The following COBL variants were observed in gnomAD, a reference collection of about 807,000 sequenced individuals.
The protein encoded by COBL is protein cordon-bleu.
Under a neutral mutation model 98.8 loss-of-function variants are expected in COBL, and 51 were observed. The observed-to-expected ratio is 0.52, with a 90% CI of 0.41 to 0.65. The LOEUF is 0.65. COBL is among the 30% of genes least tolerant of loss of function. COBL has a pLI of 0.00. For missense variants in COBL, 1,617 were observed against 1,617.5 expected (o/e 1.00, Z 0.01); for synonymous variants, 634 against 651.7 (o/e 0.97, Z 0.41).
intron 5 of COBL, among the ~76,000 whole-genome samples, chr7:51,143,555 C>G (rs1784753165): frequency 6.6e-6 from 1 of 152,096 alleles, no homozygotes; most frequent in Non-Finnish European, 1.5e-5. Flanking sequence ...ATACCATGGA[C>G]TAGATCAGGA....
chr7:51,186,669 G>A (rs929700977), intron 4 of COBL, among the ~76,000 whole-genome samples: 3 of 152,228 alleles, frequency 2.0e-5, no homozygotes, highest in African/African-American at 7.2e-5. Context: ...GCAGCTGTCT[G>A]GAGGCACCAG....
At chr7:51,042,643 T>C (rs1405101722) in intron 8 of COBL, among the ~76,000 whole-genome samples, 1 of 152,220 alleles carries the variant, frequency 6.6e-6, no homozygotes, top group Non-Finnish European at 1.5e-5. Flanking sequence ...ATTACGGGCA[T>C]GAGCCACCAT....
intron 1 of COBL, among the ~76,000 whole-genome samples, chr7:51,242,418 G>A (rs1795877553): frequency 6.6e-6 from 1 of 152,102 alleles, no homozygotes; most frequent in South Asian, 2.1e-4. Context: ...TCCTTGCTTT[G>A]TTTGTGCATT....
chr7:51,273,077 C>T (rs540899025), intron 1 of COBL, among the ~76,000 whole-genome samples: 32 of 152,102 alleles, frequency 2.1e-4, no homozygotes, highest in African/African-American at 6.0e-4. Flanking sequence ...GCCTATAATC[C>T]CAGCACTTTG....
intron 5 of COBL, among the ~76,000 whole-genome samples, chr7:51,182,190 T>C (rs1789035224): frequency 6.6e-6 from 1 of 151,558 alleles, no homozygotes; most frequent in Non-Finnish European, 1.5e-5. Flanking sequence ...GTGAACACAG[T>C]CCCAGCCAAC....
chr7:51,152,763 T>C (rs1785687809), intron 5 of COBL, among the ~76,000 whole-genome samples: 1 of 152,218 alleles, frequency 6.6e-6, no homozygotes, highest in South Asian at 2.1e-4. Flanking sequence ...GCATCTTTTC[T>C]CATCCTTGTT....
chr7:51,123,160 A>G (rs1797898763), intron 6 of COBL, among the ~76,000 whole-genome samples: 1 of 152,214 alleles, frequency 6.6e-6, no homozygotes. Context: ...GGGTAAAGCC[A>G]AAACAAAAGG....
chr7:51,041,217 T>G (rs1447322689), intron 8 of COBL, among the ~76,000 whole-genome samples: 2 of 152,086 alleles, frequency 1.3e-5, no homozygotes, highest in African/African-American at 4.8e-5. Context: ...GGTCTTGGAG[T>G]CATCCTAAGA....
chr7:51,084,944 T>C (rs1794052335), intron 7 of COBL, among the ~76,000 whole-genome samples: 1 of 152,060 alleles, frequency 6.6e-6, no homozygotes, highest in Admixed American at 6.6e-5. Context: ...CCTTCCACCG[T>C]CCCCCGCCTC....
chr7:51,119,931 T>A (rs1797601403), intron 6 of COBL, among the ~76,000 whole-genome samples: 1 of 152,136 alleles, frequency 6.6e-6, no homozygotes, highest in African/African-American at 2.4e-5. Context: ...CCCAAAGTTG[T>A]ACAGAAGTTG....
At position 51,165,727 on chromosome 7, in the gene COBL, T is replaced by C. The variant is rs142754981; in HGVS notation, c.783+18375A>G. On this transcript the variant is annotated intron_variant, in intron 5 of 12. Transcript: ENST00000265136. ...ACCATATGTTAAGTCACAAAACAAGTCTTAAAACATTTTTAAAAACTGAAA... is the reference window on the plus strand; with the variant it reads ...ACCATATGTTAAGTCACAAAACAAGCCTTAAAACATTTTTAAAAACTGAAA... 3.7e-3 allele frequency among the ~76,000 whole-genome samples: 565 copies of C among 152,008 alleles called. 3 individuals carry two copies. The highest frequency in any genetic ancestry group is 0.013 in the African/African-American group (529 of 41,520).
chr7:51,188,301 G>A (rs1049677282), intron 4 of COBL, among the ~76,000 whole-genome samples: 2 of 152,360 alleles, frequency 1.3e-5, no homozygotes, highest in South Asian at 2.1e-4. Context: ...AGGAGTGGAC[G>A]TCTGTCCCCT....
intron 6 of COBL, among the ~76,000 whole-genome samples, chr7:51,110,313 A>C (rs979415798): frequency 6.6e-6 from 1 of 152,058 alleles, no homozygotes; most frequent in South Asian, 2.1e-4. Flanking sequence ...CTCTACCTTC[A>C]TGAGATCCAC....
In COBL at chr7:51,098,224, CT is replaced by C. The variant is rs551768231; in HGVS notation, c.958-12921del. 9.8e-4 allele frequency among the ~76,000 whole-genome samples: 99 copies of C among 100,728 alleles called. 6 individuals carry two copies. The highest frequency in any genetic ancestry group is 4.1e-3 in the East Asian group (17 of 4,098). 66.1% of individuals were successfully genotyped at this position (100,728 alleles called of 152,430 possible). On this transcript the variant is annotated intron_variant, in intron 6 of 12. Transcript: ENST00000265136. Reference sequence around the variant, plus strand: ...ACTACCAAAATCCCAATAGCAGTTTCTTTTTTTTTTTTGGAGAAATAGGAAA... The same window carrying C: ...ACTACCAAAATCCCAATAGCAGTTTCTTTTTTTTTTTGGAGAAATAGGAAA...
intron 7 of COBL, among the ~76,000 whole-genome samples, chr7:51,068,121 C>A (rs1792140464): frequency 6.6e-6 from 1 of 152,198 alleles, no homozygotes; most frequent in Non-Finnish European, 1.5e-5. Context: ...GTGGGCTGAC[C>A]TCCTCTCAGC....
At position 51,191,026 on chromosome 7, in the gene COBL, C is replaced by A. The variant is rs146421017; in HGVS notation, c.509G>T (p.Arg170Leu). Residue 170 changes from arginine (R) to leucine (L), a missense_variant, in exon 4 of 13, where the codon CGT (arginine) becomes CTT (leucine). Physicochemically the swap from Arg to Leu is moderately radical, Grantham distance 102. Transcript: ENST00000265136. ...NYLRTQKAVV[R>L]VSPEVPLQNI... ...CTGGAGAGGAACCTCAGGGCTCACACGCACAACAGCTTTTTGTGTCCGCAG... is the reference window on the plus strand; with the variant it reads ...CTGGAGAGGAACCTCAGGGCTCACAAGCACAACAGCTTTTTGTGTCCGCAG... The A allele has an allele frequency of 6.2e-7, 1 of 1,614,170 alleles. No homozygotes were observed. Among genetic ancestry groups the A allele is most frequent in the Non-Finnish European group, 8.5e-7 (1 of 1,180,042 alleles).
In COBL at chr7:51,168,390, C is replaced by T. The variant is rs141681773; in HGVS notation, c.783+15712G>A. 6.0e-4 allele frequency among the ~76,000 whole-genome samples: 91 copies of T among 151,424 alleles called. No homozygotes were observed. In the East Asian group the frequency reaches 0.015, roughly 24 times the overall value. On this transcript the variant is annotated intron_variant, in intron 5 of 12. Transcript: ENST00000265136. ...GGTGGAGGCTGCAGTGAGCCGAGAT[C>T]GCACCACTGCACTCCAGCACCAGTG...
At chr7:51,134,461 G>T (rs1363323664) in intron 6 of COBL, among the ~76,000 whole-genome samples, 2 of 152,076 alleles carry the variant, frequency 1.3e-5, no homozygotes. Flanking sequence ...ACTCAAGCAG[G>T]CTTTATCCAC....
At chr7:51,262,685 A>G (rs902886504) in intron 1 of COBL, among the ~76,000 whole-genome samples, 1 of 152,236 alleles carries the variant, frequency 6.6e-6, no homozygotes, top group African/African-American at 2.4e-5. Context: ...AGTGATTTAC[A>G]TGACAGATGT....
Sources: gnomAD v4.1 joint callset for allele counts (sites outside exome capture counted in the v4.1 genomes callset) on GRCh38, gnomAD v4.1.1 for gene constraint, MANE v1.5 for transcripts, NCBI Gene and HGNC (gene_info 2026-07-23, HGNC 2026-07-21) for gene names.